The following RSRC2 variants were observed in gnomAD, a reference collection of about 807,000 sequenced individuals.
The protein encoded by RSRC2 is arginine and serine rich coiled-coil 2.
In RSRC2, 5 loss-of-function variants were observed where a neutral mutation model predicts 61.3. The observed-to-expected ratio is 0.08, with a 90% CI of 0.04 to 0.17. The LOEUF (loss-of-function observed/expected upper bound fraction) is 0.17. RSRC2 is among the 10% of genes least tolerant of loss of function. The pLI is 1.00. For missense variants in RSRC2, 381 were observed against 518.8 expected (o/e 0.73, Z 2.58); for synonymous variants, 202 against 166.5 (o/e 1.21, Z -1.64).
rs760552781 is a variant in RSRC2, at chr12:122,506,797, G to A, written c.1125+37C>T. The stretch of plus-strand genomic sequence containing the variant: ...GAAGAACAGTGCAGGAGGGCTAATA[G>A]CTAATACAAAGATCCCCTGGCACAT... On this transcript the variant is annotated intron_variant, in intron 9 of 9. Coordinates refer to ENST00000331738, the MANE Select transcript of RSRC2 (RefSeq NM_023012.6). 5.5e-5 allele frequency: 67 copies of A among 1,212,172 alleles called. 1 individual carries two copies. In the South Asian group the frequency reaches 7.9e-4, roughly 14 times the overall value. The allele number at this position is 1,212,172 out of a possible 1,614,324, so 75.1% of individuals were successfully genotyped here. A position where few individuals can be genotyped will look rare whatever the true frequency, so the allele number is the denominator to read the frequency against.
At chr12:122,520,515 G>A in intron 3 of RSRC2, 2 of 1,364,956 alleles carry the variant, frequency 1.5e-6, no homozygotes, top group Non-Finnish European at 9.8e-7. Flanking sequence ...TTATCATGAA[G>A]TAGGCTTATT....
chr12:122,515,331 A>G (rs1593391549), intron 5 of RSRC2, 104 bp from the exon 6 acceptor site: 1 of 1,168,546 alleles, frequency 8.6e-7, no homozygotes, highest in Non-Finnish European at 1.2e-6. Flanking sequence ...ATACAAAAAC[A>G]TTTAGTTTGA....
chr12:122,520,648 T>C, intron 3 of RSRC2: 1 of 1,132,946 alleles, frequency 8.8e-7, no homozygotes, highest in African/African-American at 1.6e-5. Context: ...TCACAAAAAC[T>C]CTCCTAAATT....
chr12:122,516,234 GTA>G (rs1958911715), intron 5 of RSRC2, among the ~76,000 whole-genome samples: 1 of 152,082 alleles, frequency 6.6e-6, no homozygotes, highest in South Asian at 2.1e-4. Context: ...ACAAAAGTCA[GTA>G]TACTACTGTC....
Position 122,504,024 on chromosome 12 carries a change from T to G in RSRC2, c.*1503A>C, listed in dbSNP as rs1417364439. 6.6e-6 allele frequency: 1 copy of G among 151,892 alleles called. No individual in the cohort carries two copies. Among genetic ancestry groups the G allele is most frequent in the Non-Finnish European group, 1.5e-5 (1 of 67,988 alleles). 9.4% of individuals were successfully genotyped at this position (151,892 alleles called of 1,614,324 possible). ...TTGAGCCTGGGGGAGCCTGCTGCAA[T>G]GCACTGCACTCCAGCCTAGGACAGA... On this transcript the variant is annotated 3_prime_UTR_variant, in exon 10 of 10. Transcript: ENST00000331738.
chr12:122,508,709 C>A (rs886669483), intron 7 of RSRC2, among the ~76,000 whole-genome samples: 3 of 152,116 alleles, frequency 2.0e-5, no homozygotes, highest in Non-Finnish European at 4.4e-5. Context: ...GTAATCCCAG[C>A]ACTTTGGGAG....
intron 2 of RSRC2, among the ~76,000 whole-genome samples, chr12:122,521,808 T>G (rs778829254): frequency 2.1e-4 from 32 of 152,214 alleles, no homozygotes; most frequent in Non-Finnish European, 2.6e-4. Flanking sequence ...ATATTTGATA[T>G]GTTCCAACAT....
chr12:122,509,084 T>C (rs1244238735), intron 7 of RSRC2, among the ~76,000 whole-genome samples: 1 of 152,190 alleles, frequency 6.6e-6, no homozygotes, highest in Non-Finnish European at 1.5e-5. Flanking sequence ...TAAAACCTTG[T>C]ATTTTTTTAA....
chr12:122,525,619 G>A (rs1447972182), intron 1 of RSRC2, among the ~76,000 whole-genome samples: 2 of 152,074 alleles, frequency 1.3e-5, no homozygotes, highest in Non-Finnish European at 2.9e-5. Context: ...TATCGAAAAT[G>A]ATGTAATTTT....
intron 1 of RSRC2, chr12:122,526,384 A>G (rs1960409324): frequency 6.1e-6 from 1 of 165,156 alleles, no homozygotes; most frequent in Admixed American, 6.3e-5. Flanking sequence ...CGTACAAAAA[A>G]AAAAATAGCT....
In RSRC2 at chr12:122,522,127, C is replaced by G. The variant is rs1959292985; in HGVS notation, c.163+16G>C. The G allele has an allele frequency of 6.2e-7, 1 of 1,604,912 alleles. No homozygotes were observed. On this transcript the variant is annotated intron_variant, in intron 2 of 9. Coordinates refer to ENST00000331738, the MANE Select transcript of RSRC2 (RefSeq NM_023012.6). The stretch of plus-strand genomic sequence containing the variant: ...TACAAATGCTGAGAGTTGTAACCAC[C>G]TTTAAGAATTCATACCTGACTTTCG...
chr12:122,507,040 G>GT (rs1159927239), intron 8 of RSRC2, 117 bp from the exon 9 acceptor site: 7 of 687,044 alleles, frequency 1.0e-5, no homozygotes, highest in Admixed American at 2.4e-5. Flanking sequence ...TTCAATCAAT[G>GT]TAAGTTTAAT....
intron 8 of RSRC2, 120 bp from the exon 9 acceptor site, chr12:122,507,043 A>C: frequency 2.9e-6 from 2 of 686,632 alleles, no homozygotes; most frequent in Non-Finnish European, 5.1e-6. Context: ...AATCAATGTA[A>C]GTTTAATTAT....
chr12:122,514,608 T>C (rs118115309), intron 6 of RSRC2: 34 of 1,020,388 alleles, frequency 3.3e-5, no homozygotes, highest in Non-Finnish European at 3.9e-5. Flanking sequence ...AGTTCTCCCA[T>C]AGTTACCAGG....
chr12:122,505,342 G>C lies in RSRC2; in HGVS notation c.*185C>G. ...GTCCTGTCAAGTTTAATGGAAGTGG[G>C]TTTAACCTGATTACAACACTAACAC... On this transcript the variant is annotated 3_prime_UTR_variant, in exon 10 of 10. Coordinates refer to ENST00000331738, the MANE Select transcript of RSRC2 (RefSeq NM_023012.6). 2.0e-6 allele frequency: 1 copy of C among 507,756 alleles called. No homozygotes were observed. The highest frequency in any genetic ancestry group is 3.9e-5 in the South Asian group (1 of 25,702). The allele number at this position is 507,756 out of a possible 1,614,324, so 31.5% of individuals were successfully genotyped here.
chr12:122,505,967 C>T (rs1193649796), intron 9 of RSRC2, among the ~76,000 whole-genome samples: 2 of 151,950 alleles, frequency 1.3e-5, no homozygotes, highest in Non-Finnish European at 2.9e-5. Flanking sequence ...TCAGTAGAGA[C>T]GGGGTTTCAC....
chr12:122,526,726 G>C lies in RSRC2; in HGVS notation c.6+122C>G, dbSNP rs533047389. 3.5e-6 allele frequency: 4 copies of C among 1,155,388 alleles called. No individual in the cohort carries two copies. The African/African-American group carries it at 6.1e-5, about 18-fold the overall frequency. The allele number at this position is 1,155,388 out of a possible 1,614,324, so 71.6% of individuals were successfully genotyped here. A position where few individuals can be genotyped will look rare whatever the true frequency, so the allele number is the denominator to read the frequency against. On this transcript the variant is annotated intron_variant, in intron 1 of 9. Transcript: ENST00000331738. ...GGCAGCCATGATGGCGGGCGCAGAA[G>C]AAGGCCGCGGCGCCATTTTGTCTAC...
chr12:122,505,421 T>C lies in RSRC2; in HGVS notation c.*106A>G. The C allele has an allele frequency of 1.0e-6, 1 of 1,004,636 alleles. No individual in the cohort carries two copies. The highest frequency in any genetic ancestry group is 1.5e-6 in the Non-Finnish European group (1 of 681,302). The allele number at this position is 1,004,636 out of a possible 1,614,324, so 62.2% of individuals were successfully genotyped here. The stretch of plus-strand genomic sequence containing the variant: ...ATTTGTATTTTTCAATAAATTAAAG[T>C]CAATGCAACACCCATGCAAGCTAGA... On this transcript the variant is annotated 3_prime_UTR_variant, in exon 10 of 10. Transcript: ENST00000331738.
intron 3 of RSRC2, chr12:122,520,254 G>A (rs1959177920): frequency 7.7e-6 from 2 of 260,798 alleles, no homozygotes; most frequent in South Asian, 3.6e-5. Context: ...TAAGAGACCT[G>A]GAGACACAAT....
Sources: gnomAD v4.1 joint callset for allele counts (sites outside exome capture counted in the v4.1 genomes callset) on GRCh38, gnomAD v4.1.1 for gene constraint, MANE v1.5 for transcripts, NCBI Gene and HGNC (gene_info 2026-07-23, HGNC 2026-07-21) for gene names.